SULT1C3: variants seen among roughly 807,000 people sequenced by gnomAD.
SULT1C3 encodes the protein sulfotransferase 1C3.
A neutral mutation model predicts 28.4 loss-of-function variants in SULT1C3; 31 were observed. The ratio of observed to expected loss-of-function variants is 1.09; its 90% confidence interval spans 0.82 to 1.47. The LOEUF is 1.47. Among genes scored for constraint, SULT1C3 ranks in the 40% most tolerant of loss-of-function variants. The pLI is 0.00. For synonymous variants in SULT1C3, 106 were observed against 92.2 expected (o/e 1.15, Z -0.86); for missense variants, 307 against 272.5 (o/e 1.13, Z -0.89).
intron 7 of SULT1C3, among the ~76,000 whole-genome samples, chr2:108,260,213 A>G (rs1675986888): frequency 6.6e-6 from 1 of 152,098 alleles, no homozygotes; most frequent in Non-Finnish European, 1.5e-5. Flanking sequence ...TGTCCCTGGG[A>G]GAATAAGATA....
downstream of SULT1C3, among the ~76,000 whole-genome samples, chr2:108,262,354 T>C (rs911916590): frequency 6.6e-6 from 1 of 152,116 alleles, no homozygotes; most frequent in African/African-American, 2.4e-5. Flanking sequence ...TCAGAAATGA[T>C]TTTCTACTAA....
chr2:108,254,404 C>T (rs184620218), intron 4 of SULT1C3, among the ~76,000 whole-genome samples: 5 of 152,114 alleles, frequency 3.3e-5, no homozygotes, highest in Admixed American at 2.0e-4. Flanking sequence ...GCTTCTGTGA[C>T]CCCATGGCTG....
At chr2:108,261,956 G>A (rs1178398728), downstream of SULT1C3, among the ~76,000 whole-genome samples, 1 of 152,124 alleles carries the variant, frequency 6.6e-6, no homozygotes, top group Non-Finnish European at 1.5e-5. Context: ...CTGCTGTAAG[G>A]AAGCAGAGAG....
intron 1 of SULT1C3, among the ~76,000 whole-genome samples, chr2:108,242,990 C>T (rs1376639777): frequency 2.6e-5 from 4 of 152,122 alleles, no homozygotes; most frequent in Admixed American, 2.6e-4. Flanking sequence ...TAAGAAAATC[C>T]TTTTAAATCC....
chr2:108,265,007 T>C (rs1676102948), downstream of SULT1C3: 1 of 1,605,250 alleles, frequency 6.2e-7, no homozygotes, highest in African/African-American at 1.3e-5. Flanking sequence ...TGAGGAAAGG[T>C]AGATAAGCTT....
intron 2 of SULT1C3, among the ~76,000 whole-genome samples, chr2:108,250,716 G>A (rs1277214042): frequency 6.6e-6 from 1 of 151,624 alleles, no homozygotes; most frequent in Non-Finnish European, 1.5e-5. Flanking sequence ...ACTGTTCTCA[G>A]CAATTAAAAA....
At chr2:108,260,538 T>G (rs1675998371) in intron 7 of SULT1C3, 30 bp from the exon 8 acceptor site, 1 of 501,332 alleles carries the variant, frequency 2.0e-6, no homozygotes, top group Non-Finnish European at 4.0e-6. Context: ...GGGTGCAGAG[T>G]CTGTCATGAA....
chr2:108,245,973 T>C (rs1267660742), intron 1 of SULT1C3, among the ~76,000 whole-genome samples: 1 of 152,188 alleles, frequency 6.6e-6, no homozygotes, highest in African/African-American at 2.4e-5. Flanking sequence ...TTCCACCAGA[T>C]ACAATAAATC....
At chr2:108,253,052 A>G (rs187541566) in intron 3 of SULT1C3, among the ~76,000 whole-genome samples, 1 of 152,148 alleles carries the variant, frequency 6.6e-6, no homozygotes, top group African/African-American at 2.4e-5. Flanking sequence ...AGAGAGAAAA[A>G]GAGAAAGGAA....
intron 2 of SULT1C3, among the ~76,000 whole-genome samples, chr2:108,251,120 C>A (rs1033312311): frequency 3.3e-5 from 5 of 151,898 alleles, no homozygotes; most frequent in Admixed American, 3.3e-4. Flanking sequence ...TTGAAGATAA[C>A]TGTTATTCAT....
chr2:108,263,034 C>T (rs1490147282), downstream of SULT1C3, among the ~76,000 whole-genome samples: 1 of 152,152 alleles, frequency 6.6e-6, no homozygotes, highest in Non-Finnish European at 1.5e-5. Flanking sequence ...AGATCTGAGT[C>T]CTGAAGACCT....
downstream of SULT1C3, among the ~76,000 whole-genome samples, chr2:108,264,494 A>G (rs184116418): frequency 6.6e-6 from 1 of 152,180 alleles, no homozygotes; most frequent in African/African-American, 2.4e-5. Context: ...CCCCCAGGAG[A>G]TATCATTGCT....
At chr2:108,260,292 A>G (rs1007017404) in intron 7 of SULT1C3, among the ~76,000 whole-genome samples, 1 of 152,090 alleles carries the variant, frequency 6.6e-6, no homozygotes. Flanking sequence ...TAGAGCCAGG[A>G]GTGTACCCTG....
chr2:108,249,534 T>G (rs1306275446), intron 2 of SULT1C3, among the ~76,000 whole-genome samples: 1 of 152,042 alleles, frequency 6.6e-6, no homozygotes, highest in Non-Finnish European at 1.5e-5. Flanking sequence ...AAATAGCACC[T>G]GAAAACATGA....
intron 2 of SULT1C3, among the ~76,000 whole-genome samples, chr2:108,248,019 A>T (rs974533595): frequency 6.6e-6 from 1 of 152,222 alleles, no homozygotes; most frequent in Admixed American, 6.5e-5. Flanking sequence ...CACTCTTGGG[A>T]ATAGAATATG....
In SULT1C3 at chr2:108,258,829, G is replaced by T. The variant is rs765581434; in HGVS notation, c.621+1G>T. ...CCTCTTCTACGAGGATATTAAAAAA[G>T]TAAGTGGCACTGAGACTTATAGGTC... On this transcript the variant is annotated splice_donor_variant, in intron 6 of 7. Coordinates refer to ENST00000681802, the MANE Select transcript of SULT1C3 (RefSeq NM_001320878.2). LOFTEE classifies it high-confidence loss of function. 3.7e-6 allele frequency: 6 copies of T among 1,609,944 alleles called. No homozygotes were observed. The African/African-American group carries it at 5.4e-5, about 14-fold the overall frequency.
chr2:108,248,192 C>G (rs1043896200), intron 2 of SULT1C3, among the ~76,000 whole-genome samples: 12 of 152,120 alleles, frequency 7.9e-5, no homozygotes, highest in Non-Finnish European at 1.3e-4. Context: ...TGAAGGGGCT[C>G]TCACAGTAGC....
chr2:108,263,882 C>T (rs1284796323), downstream of SULT1C3, among the ~76,000 whole-genome samples: 1 of 152,184 alleles, frequency 6.6e-6, no homozygotes, highest in Non-Finnish European at 1.5e-5. Context: ...GGAAATAGCA[C>T]ATGCTTTATA....
At chr2:108,261,170 G>T (rs137884129), downstream of SULT1C3, among the ~76,000 whole-genome samples, 700 of 152,200 alleles carry the variant, frequency 4.6e-3, 6 homozygotes, top group Middle Eastern at 0.014. Flanking sequence ...GTAATAGAAT[G>T]ATATAAAAAT....
Sources: gnomAD v4.1 joint callset for allele counts (sites outside exome capture counted in the v4.1 genomes callset) on GRCh38, gnomAD v4.1.1 for gene constraint, MANE v1.5 for transcripts, NCBI Gene and HGNC (gene_info 2026-07-23, HGNC 2026-07-21) for gene names.